The following CPNE4 variants were observed in gnomAD, a reference collection of about 807,000 sequenced individuals.
The protein encoded by CPNE4 is copine-4.
CPNE4 carries 25 observed loss-of-function variants against 67.9 expected under a neutral mutation model. The observed-to-expected ratio is 0.37, with a 90% CI of 0.27 to 0.51. CPNE4 has a LOEUF of 0.51. Ranked by LOEUF, CPNE4 falls within the 20% of genes least tolerant of loss-of-function variation. CPNE4 has a pLI of 0.93. For missense variants in CPNE4, 464 were observed against 690.8 expected, an observed-to-expected ratio of 0.67 and a Z score of 3.68; for synonymous variants, 242 against 244.9, an observed-to-expected ratio of 0.99 and a Z score of 0.11.
At chr3:131,769,862 A>C (rs2083120490) in intron 2 of CPNE4, among the ~76,000 whole-genome samples, 1 of 152,106 alleles carries the variant, frequency 6.6e-6, no homozygotes, top group Non-Finnish European at 1.5e-5. Flanking sequence ...GTATTATGAG[A>C]AGAACATAAC....
intron 7 of CPNE4, among the ~76,000 whole-genome samples, chr3:131,596,168 ATAAG>A (rs1412984448): frequency 6.6e-6 from 1 of 152,004 alleles, no homozygotes; most frequent in Non-Finnish European, 1.5e-5. Flanking sequence ...AAACAAATAA[ATAAG>A]TAAATTGATG....
chr3:131,859,315 G>T lies in CPNE4; in HGVS notation c.180+45949C>A, dbSNP rs531767700. 3.9e-5 allele frequency among the ~76,000 whole-genome samples: 6 copies of T among 152,136 alleles called. No homozygotes were observed. In the South Asian group the frequency reaches 1.2e-3, roughly 32 times the overall value. ...GATAGCCAGCCACAAATCCTGGCTG[G>T]GCTCCTTATCTTGTTCTTATGTGAT... is the stretch of plus-strand genomic sequence containing the variant. On this transcript the variant is annotated intron_variant, in intron 2 of 15. Transcript: ENST00000429747.
At chr3:131,721,203 T>C (rs577583272) in intron 3 of CPNE4, among the ~76,000 whole-genome samples, 6 of 152,276 alleles carry the variant, frequency 3.9e-5, no homozygotes, top group South Asian at 2.1e-4. Context: ...CTCACCACAG[T>C]GTCACTGGCA....
chr3:131,718,399 CA>C (rs1024572679), intron 3 of CPNE4, among the ~76,000 whole-genome samples: 66 of 152,302 alleles, frequency 4.3e-4, no homozygotes, highest in Admixed American at 4.2e-3. Flanking sequence ...GCATCAGGAC[CA>C]GGCTTTTTCT....
At chr3:131,759,079 C>T (rs1032169274) in intron 2 of CPNE4, among the ~76,000 whole-genome samples, 2 of 152,084 alleles carry the variant, frequency 1.3e-5, no homozygotes, top group African/African-American at 4.8e-5. Flanking sequence ...TCTTGCCCAG[C>T]CCTAGTAGGA....
intron 5 of CPNE4, 31 bp downstream of exon 5, chr3:131,696,511 C>G (rs1257551387): frequency 1.3e-6 from 2 of 1,596,276 alleles, no homozygotes; most frequent in South Asian, 2.2e-5. Flanking sequence ...TTTGTTACTT[C>G]CTTCAATAAG....
chr3:131,962,615 C>G (rs1240721129), intron 1 of CPNE4, among the ~76,000 whole-genome samples: 1 of 152,118 alleles, frequency 6.6e-6, no homozygotes, highest in Non-Finnish European at 1.5e-5. Context: ...TAATATGTGG[C>G]AAGTACTGTT....
chr3:131,769,563 G>A (rs1157913114), intron 2 of CPNE4, among the ~76,000 whole-genome samples: 1 of 152,122 alleles, frequency 6.6e-6, no homozygotes, highest in Admixed American at 6.6e-5. Context: ...ATGATAACCT[G>A]TATAGGAGGC....
At chr3:131,756,519 T>C (rs946701871) in intron 2 of CPNE4, among the ~76,000 whole-genome samples, 1 of 152,182 alleles carries the variant, frequency 6.6e-6, no homozygotes, top group Non-Finnish European at 1.5e-5. Context: ...TTATCATTCA[T>C]CCATGCTCTA....
At chr3:131,680,353 A>G (rs1012233532) in intron 6 of CPNE4, among the ~76,000 whole-genome samples, 1 of 151,778 alleles carries the variant, frequency 6.6e-6, no homozygotes. Context: ...TGTCTTTTGA[A>G]GACTACGTAC....
At position 131,778,197 on chromosome 3, in the gene CPNE4, A is replaced by G. The variant is rs867950483; in HGVS notation, c.181-54572T>C. 3.9e-5 allele frequency among the ~76,000 whole-genome samples: 6 copies of G among 152,008 alleles called. No individual in the cohort carries two copies. In the South Asian group the frequency reaches 1.0e-3, roughly 26 times the overall value. On this transcript the variant is annotated intron_variant, in intron 2 of 15. Transcript: ENST00000429747. Reference sequence around the variant, plus strand: ...GGAACTCCTTGCATTGCCTATTTCTATTCTTCTGCCCTTAGAACACTGCAC... The same window carrying G: ...GGAACTCCTTGCATTGCCTATTTCTGTTCTTCTGCCCTTAGAACACTGCAC...
chr3:131,705,012 G>A (rs1344257418), intron 3 of CPNE4, among the ~76,000 whole-genome samples: 2 of 151,862 alleles, frequency 1.3e-5, no homozygotes, highest in African/African-American at 4.8e-5. Flanking sequence ...GCACATACAC[G>A]AACTCACACA....
chr3:131,890,444 C>A (rs1376292737), intron 2 of CPNE4, among the ~76,000 whole-genome samples: 17 of 150,178 alleles, frequency 1.1e-4, no homozygotes, highest in Non-Finnish European at 1.9e-4. Flanking sequence ...AAAAAAAAAA[C>A]CTACCATTAG....
At chr3:131,944,991 T>C (rs977594870) in intron 1 of CPNE4, among the ~76,000 whole-genome samples, 3 of 152,128 alleles carry the variant, frequency 2.0e-5, no homozygotes, top group Non-Finnish European at 4.4e-5. Flanking sequence ...AAATTGGGCA[T>C]AGATTTTTAG....
chr3:131,934,819 C>T (rs1234521353), intron 1 of CPNE4, among the ~76,000 whole-genome samples: 2 of 152,018 alleles, frequency 1.3e-5, no homozygotes, highest in Non-Finnish European at 2.9e-5. Context: ...GTCTGGAGTA[C>T]CTAAAAAGGC....
chr3:131,845,901 G>A (rs899168691), intron 2 of CPNE4, among the ~76,000 whole-genome samples: 7 of 152,066 alleles, frequency 4.6e-5, no homozygotes, highest in Non-Finnish European at 8.8e-5. Context: ...AACTAATCAC[G>A]GTGAATTGAG....
intron 2 of CPNE4, among the ~76,000 whole-genome samples, chr3:131,845,584 C>T (rs180710883): frequency 9.9e-5 from 15 of 152,260 alleles, no homozygotes; most frequent in Non-Finnish European, 1.0e-4. Context: ...TGAGAACCCA[C>T]GACAGTCAAG....
chr3:131,949,847 T>C (rs1583497806), intron 1 of CPNE4, among the ~76,000 whole-genome samples: 1 of 152,300 alleles, frequency 6.6e-6, no homozygotes, highest in East Asian at 1.9e-4. Flanking sequence ...TTCTTTATTA[T>C]ATGTCCCTCC....
chr3:131,870,939 T>C (rs753766975), intron 2 of CPNE4, among the ~76,000 whole-genome samples: 1 of 152,186 alleles, frequency 6.6e-6, no homozygotes, highest in Non-Finnish European at 1.5e-5. Context: ...CAAGCTTTTG[T>C]TGAACATCCT....
Sources: allele counts gnomAD v4.1 joint callset (sites outside exome capture counted in the v4.1 genomes callset), GRCh38; gene constraint gnomAD v4.1.1; transcripts MANE v1.5; gene names NCBI Gene and HGNC (gene_info 2026-07-23, HGNC 2026-07-21).